AKNA: variants seen among roughly 807,000 people sequenced by gnomAD.
AKNA encodes the protein microtubule organization protein AKNA.
Under a neutral mutation model 138.8 loss-of-function variants are expected in AKNA, and 67 were observed. That is an observed-to-expected ratio of 0.48 (90% CI 0.40 to 0.59). The LOEUF is 0.59. AKNA is among the 20% of genes least tolerant of loss of function. AKNA has a pLI of 0.00. For synonymous variants in AKNA, 737 were observed against 754.4 expected (o/e 0.98, Z 0.38); for missense variants, 1,813 against 1,880.4 (o/e 0.96, Z 0.66).
At position 114,358,163 on chromosome 9, in the gene AKNA, C is replaced by T; in HGVS notation, c.2497G>A (p.Ala833Thr). ...EKSHGAPLEE[A>T]TEKMVSMKPP... is the part of the protein sequence containing the mutation. Reference sequence around the variant, plus strand: ...TTCATAGATACCATCTTCTCCGTGGCCTCCCTGGCATGGGAAGAGAAGACC... The same window carrying T: ...TTCATAGATACCATCTTCTCCGTGGTCTCCCTGGCATGGGAAGAGAAGACC... Residue 833 changes from alanine (A) to threonine (T), a missense_variant, in exon 12 of 22, where the codon GCC becomes ACC. Physicochemically the swap from Ala to Thr is moderately conservative, Grantham distance 58. Transcript: ENST00000374088. 6.2e-7 allele frequency: 1 copy of T among 1,614,028 alleles called. No individual in the cohort carries two copies. The highest frequency in any genetic ancestry group is 8.5e-7 in the Non-Finnish European group (1 of 1,179,924).
chr9:114,382,542 C>T (rs980388819), intron 1 of AKNA, among the ~76,000 whole-genome samples: 10 of 148,070 alleles, frequency 6.8e-5, no homozygotes, highest in Non-Finnish European at 1.5e-4. Flanking sequence ...ATGACAGCGC[C>T]ACTGCACTCC....
In AKNA at chr9:114,355,975, C is replaced by G. The variant is rs368545317; in HGVS notation, c.3008G>C (p.Arg1003Pro). 6 of 1,614,084 alleles carry G rather than the reference C, an allele frequency of 3.7e-6. No individual in the cohort carries two copies. Among genetic ancestry groups the G allele is most frequent in the Non-Finnish European group, 5.1e-6 (6 of 1,180,036 alleles). The part of the protein sequence containing the change: ...RYLSSPSGPL[R>P]QRAPNFSLER... ...CAGGCTGAAGTTGGGTGCCCTCTGC[C>G]GGAGAGGCCCACTTGGGCTGGAGAG... The change falls in exon 14 of 22, where the codon CGG becomes CCG. Residue 1003 changes from arginine to proline, a missense_variant. By Grantham distance (103) the Arg-to-Pro change is moderately radical (BLOSUM62 -2). Transcript: ENST00000374088.
chr9:114,330,704 A>G, downstream of AKNA: 1 of 1,598,522 alleles, frequency 6.3e-7, no homozygotes, highest in Non-Finnish European at 8.6e-7. Flanking sequence ...AATCTCCACC[A>G]GACTCTTGCC....
upstream of AKNA, among the ~76,000 whole-genome samples, chr9:114,392,359 C>T (rs1387939314): frequency 6.6e-6 from 1 of 152,210 alleles, no homozygotes; most frequent in Non-Finnish European, 1.5e-5. Flanking sequence ...CATTTGCCCA[C>T]CCAGGCAGAA....
At chr9:114,367,444 A>G in intron 6 of AKNA, 99 bp downstream of exon 6, 1 of 1,414,068 alleles carries the variant, frequency 7.1e-7, no homozygotes, top group Non-Finnish European at 9.6e-7. Flanking sequence ...GGGGAATGAC[A>G]AGTGAGACTC....
At chr9:114,391,837 GA>G (rs1834351615), upstream of AKNA, among the ~76,000 whole-genome samples, 1 of 115,928 alleles carries the variant, frequency 8.6e-6, no homozygotes, top group Non-Finnish European at 1.6e-5. Context: ...CTGGGCAACA[GA>G]GCAAGACTCT....
In AKNA at chr9:114,359,950, C is replaced by T. The variant is rs201036834; in HGVS notation, c.2237G>A (p.Arg746Gln). The T allele has an allele frequency of 5.6e-5, 91 of 1,614,204 alleles. No individual in the cohort carries two copies. The highest frequency in any genetic ancestry group is 1.2e-4 in the South Asian group (11 of 91,080). ...VEDRPQDPLA[R>Q]LRHKELQMEQ... Reference sequence around the variant, plus strand: ...CATCTGCAGCTCCTTGTGCCTGAGTCGGGCCAGGGGGTCCTGTGGCCTGTC... The same window carrying T: ...CATCTGCAGCTCCTTGTGCCTGAGTTGGGCCAGGGGGTCCTGTGGCCTGTC... Residue 746 changes from arginine (R) to glutamine (Q), a missense_variant, in exon 10 of 22, where the codon CGA (arginine) becomes CAA (glutamine). Arg to Gln is a conservative substitution (Grantham distance 43). Coordinates refer to ENST00000374088, the MANE Select transcript of AKNA (RefSeq NM_001317950.2).
rs2131983792 is a variant in AKNA, at chr9:114,368,508, T to C, written c.1504A>G (p.Ile502Val). 7.3e-7 allele frequency: 1 copy of C among 1,371,140 alleles called. No individual in the cohort carries two copies. Among genetic ancestry groups the C allele is most frequent in the Non-Finnish European group, 9.5e-7 (1 of 1,053,020 alleles). The allele number at this position is 1,371,140 out of a possible 1,614,324, so 84.9% of individuals were successfully genotyped here. ...PQGTKVLSFT[I>V]PQPRSAEWWP... ...CACTCTGCAGAGCGGGGCTGTGGGA[T>C]GGTGAAGGACAAGACCTTGGTCCCC... is the stretch of plus-strand genomic sequence containing the variant. Residue 502 changes from isoleucine to valine, a missense_variant, in exon 5 of 22, where the codon ATC becomes GTC. Transcript: ENST00000374088.
rs1296905128 is a variant in AKNA at position 114,386,483 on chromosome 9, C to CCAGCCAGCCCTCGTTAGGG, written c.-114+1358_-114+1376dup. ...CATGCCAGATAAAGGCAGAGTTGTTCCAGCCAGCCCTCGTTAGGGCAGCAG... is the reference window on the plus strand; with the variant it reads ...CATGCCAGATAAAGGCAGAGTTGTTCCAGCCAGCCCTCGTTAGGGCAGCCAGCCCTCGTTAGGGCAGCAG... On this transcript the variant is annotated intron_variant, in intron 1 of 21. Transcript: ENST00000374088. Among the ~76,000 whole-genome samples, 504 of 152,260 alleles carry CCAGCCAGCCCTCGTTAGGG rather than the reference C, an allele frequency of 3.3e-3. 7 individuals are homozygous for CCAGCCAGCCCTCGTTAGGG. The highest frequency in any genetic ancestry group is 0.027 in the Admixed American group (415 of 15,302).
At chr9:114,356,730 G>C in intron 13 of AKNA, 133 bp downstream of exon 13, 3 of 781,330 alleles carry the variant, frequency 3.8e-6, no homozygotes, top group Non-Finnish European at 6.0e-6. Context: ...AAGAAATCAC[G>C]GTTAGGGGAT....
At position 114,361,833 on chromosome 9, in the gene AKNA, C is replaced by A. The variant is rs201983294; in HGVS notation, c.1995G>T (p.Glu665Asp). 1 of 1,612,908 alleles carries A rather than the reference C, an allele frequency of 6.2e-7. No individual in the cohort carries two copies. The highest frequency in any genetic ancestry group is 1.1e-5 in the South Asian group (1 of 91,068). ...LKEHIDQTQQ[E>D]PEPPGSDSAL... ...CTGAGTCTGACCCGGGCGGCTCAGG[C>A]TCTTGCTGGGTCTGGTCTATGTGTT... The change falls in exon 9 of 22, where the codon GAG becomes GAT. Residue 665 changes from glutamate (E) to aspartate (D), a missense_variant. Coordinates refer to ENST00000374088, the MANE Select transcript of AKNA (RefSeq NM_001317950.2).
In AKNA at chr9:114,355,934, C is replaced by T; in HGVS notation, c.3049G>A (p.Ala1017Thr). 6.2e-7 allele frequency: 1 copy of T among 1,614,200 alleles called. No individual in the cohort carries two copies. Among genetic ancestry groups the T allele is most frequent in the Non-Finnish European group, 8.5e-7 (1 of 1,180,020 alleles). Residue 1017 changes from alanine (A) to threonine (T), a missense_variant, in exon 14 of 22, where the codon GCC becomes ACC. Transcript: ENST00000374088. Reference protein sequence around the residue: ...PNFSLERTLAAEMAVPGSEFE... With the variant: ...PNFSLERTLATEMAVPGSEFE... ...AGACTCCTGCACTCACCCATCTCGG[C>T]TGCCAGTGTCCGCTCCAGGCTGAAG...
downstream of AKNA, among the ~76,000 whole-genome samples, chr9:114,332,588 C>G (rs1829874702): frequency 6.6e-6 from 1 of 152,010 alleles, no homozygotes; most frequent in South Asian, 2.1e-4. Flanking sequence ...AGATGACCAC[C>G]AGGGATGTGA....
Position 114,336,205 on chromosome 9 carries a change from T to G in AKNA, c.*849A>C, listed in dbSNP as rs766933781. 1 of 152,666 alleles carries G rather than the reference T, an allele frequency of 6.6e-6. No homozygotes were observed. The highest frequency in any genetic ancestry group is 2.4e-5 in the African/African-American group (1 of 41,464). The allele number at this position is 152,666 out of a possible 1,614,324, so 9.5% of individuals were successfully genotyped here. ...TCTTCATTTGCCCTCGTAACGAAAA[T>G]AGATTTTTAAATGCCTCAAATATAC... On this transcript the variant is annotated 3_prime_UTR_variant, in exon 22 of 22. Transcript: ENST00000374088.
chr9:114,350,833 C>T, intron 15 of AKNA, 26 bp downstream of exon 15: 1 of 1,522,550 alleles, frequency 6.6e-7, no homozygotes, highest in East Asian at 2.3e-5. Context: ...GAGCTTGAAT[C>T]CCCAGGATCC....
At chr9:114,353,777 T>A (rs1193863836) in intron 14 of AKNA, among the ~76,000 whole-genome samples, 1 of 152,184 alleles carries the variant, frequency 6.6e-6, no homozygotes, top group Non-Finnish European at 1.5e-5. Context: ...CAATGGTAAG[T>A]ATTTGTGTAT....
At chr9:114,383,470 G>A (rs923117680) in intron 1 of AKNA, among the ~76,000 whole-genome samples, 3 of 152,172 alleles carry the variant, frequency 2.0e-5, no homozygotes, top group African/African-American at 7.2e-5. Flanking sequence ...CATCAGTGCA[G>A]CGGCCCCCAG....
At chr9:114,352,663 C>G (rs186196362) in intron 14 of AKNA, among the ~76,000 whole-genome samples, 1 of 151,728 alleles carries the variant, frequency 6.6e-6, no homozygotes. Flanking sequence ...TGGCTCATGC[C>G]GGTAATCCCA....
At position 114,334,629 on chromosome 9, in the gene AKNA, A is replaced by T. The variant is rs1354046286; in HGVS notation, c.*2425T>A. The T allele has an allele frequency of 6.8e-6, 1 of 147,174 alleles. No individual in the cohort carries two copies. Among genetic ancestry groups the T allele is most frequent in the African/African-American group, 2.7e-5 (1 of 36,644 alleles). 9.1% of individuals were successfully genotyped at this position (147,174 alleles called of 1,614,324 possible). A position where few individuals can be genotyped will look rare whatever the true frequency, so the allele number is the denominator to read the frequency against. On this transcript the variant is annotated 3_prime_UTR_variant, in exon 22 of 22. Coordinates refer to ENST00000374088, the MANE Select transcript of AKNA (RefSeq NM_001317950.2). ...GCACAAGCCACAAAGGGCCGGCCTC[A>T]CCCCAACCTGGGTGCTCGTGATTGA... is the stretch of plus-strand genomic sequence containing the variant.
Sources: gnomAD v4.1 joint callset for allele counts (sites outside exome capture counted in the v4.1 genomes callset) on GRCh38, gnomAD v4.1.1 for gene constraint, MANE v1.5 for transcripts, NCBI Gene and HGNC (gene_info 2026-07-23, HGNC 2026-07-21) for gene names.